The following PPP3CA variants were observed in gnomAD, a reference collection of about 807,000 sequenced individuals.
The protein encoded by PPP3CA is protein phosphatase 3 catalytic subunit alpha.
A neutral mutation model predicts 66.5 loss-of-function variants in PPP3CA; 14 were observed. The observed-to-expected ratio is 0.21, with a 90% CI of 0.14 to 0.33. The LOEUF is 0.33. PPP3CA is among the 10% of genes least tolerant of loss of function. The pLI, the probability that PPP3CA is intolerant of heterozygous loss-of-function variation, is 1.00. For missense variants in PPP3CA, 317 were observed against 639.5 expected (o/e 0.50, Z 5.44); for synonymous variants, 232 against 226.2 (o/e 1.03, Z -0.23).
At chr4:101,297,559 G>C (rs1396931383) in intron 1 of PPP3CA, among the ~76,000 whole-genome samples, 1 of 152,122 alleles carries the variant, frequency 6.6e-6, no homozygotes, top group Non-Finnish European at 1.5e-5. Context: ...TTGTACCTGC[G>C]ATGTCAGGAA....
chr4:101,192,623 T>C (rs950844635), intron 2 of PPP3CA, among the ~76,000 whole-genome samples: 5 of 152,182 alleles, frequency 3.3e-5, no homozygotes, highest in Non-Finnish European at 7.4e-5. Flanking sequence ...CATGTGCTGT[T>C]ATCTCTGCTC....
At chr4:101,269,736 G>A (rs1168078516) in intron 1 of PPP3CA, among the ~76,000 whole-genome samples, 3 of 152,060 alleles carry the variant, frequency 2.0e-5, no homozygotes, top group African/African-American at 7.2e-5. Flanking sequence ...AAAGTATACT[G>A]CTGGCATAAT....
At chr4:101,088,678 G>A (rs1578434779) in intron 6 of PPP3CA, among the ~76,000 whole-genome samples, 1 of 151,018 alleles carries the variant, frequency 6.6e-6, no homozygotes, top group South Asian at 2.1e-4. Flanking sequence ...AACTGAATGA[G>A]TGAAAAAATT....
At chr4:101,176,411 G>C (rs988088902) in intron 2 of PPP3CA, among the ~76,000 whole-genome samples, 1 of 152,126 alleles carries the variant, frequency 6.6e-6, no homozygotes, top group African/African-American at 2.4e-5. Context: ...AACAAAGAAG[G>C]GTCGGGGGAC....
rs1207298741 is a variant in PPP3CA at position 101,024,688 on chromosome 4, A to G, written c.*1177T>C. The G allele has an allele frequency of 6.5e-6, 1 of 152,678 alleles. No individual in the cohort carries two copies. Among genetic ancestry groups the G allele is most frequent in the Non-Finnish European group, 1.5e-5 (1 of 68,040 alleles). 9.5% of individuals were successfully genotyped at this position (152,678 alleles called of 1,614,324 possible). A position where few individuals can be genotyped will look rare whatever the true frequency, so the allele number is the denominator to read the frequency against. Reference sequence around the variant, plus strand: ...AACTACAAACTTATTATAATTTCACAAGGTTTGCTAAACATGCTAACCATC... The same window carrying G: ...AACTACAAACTTATTATAATTTCACGAGGTTTGCTAAACATGCTAACCATC... On this transcript the variant is annotated 3_prime_UTR_variant, in exon 14 of 14. Transcript: ENST00000394854.
chr4:101,087,129 C>T (rs1308043146), intron 6 of PPP3CA, among the ~76,000 whole-genome samples: 1 of 152,174 alleles, frequency 6.6e-6, no homozygotes, highest in Non-Finnish European at 1.5e-5. Flanking sequence ...GTACTTAGCC[C>T]AGGAGTGTCC....
At chr4:101,188,635 A>C (rs765774776) in intron 2 of PPP3CA, among the ~76,000 whole-genome samples, 3 of 152,146 alleles carry the variant, frequency 2.0e-5, no homozygotes, top group Admixed American at 6.6e-5. Flanking sequence ...TTTAGGGTTT[A>C]ATATGAGGAA....
intron 1 of PPP3CA, among the ~76,000 whole-genome samples, chr4:101,220,520 TA>T (rs1007156119): frequency 1.3e-5 from 2 of 151,750 alleles, no homozygotes; most frequent in African/African-American, 4.8e-5. Flanking sequence ...TGGATTTTAA[TA>T]AAAAGATCTA....
At chr4:101,124,980 T>C (rs533253696) in intron 2 of PPP3CA, among the ~76,000 whole-genome samples, 25 of 152,318 alleles carry the variant, frequency 1.6e-4, no homozygotes, top group African/African-American at 6.0e-4. Context: ...ATGTAAAATA[T>C]TCTTTTCACT....
At chr4:101,085,444 T>G (rs1257745976) in intron 6 of PPP3CA, among the ~76,000 whole-genome samples, 1 of 152,102 alleles carries the variant, frequency 6.6e-6, no homozygotes, top group Non-Finnish European at 1.5e-5. Flanking sequence ...GCTAAGTTTT[T>G]CCCCATGAAA....
At chr4:101,339,715 A>AT (rs1729748123) in intron 1 of PPP3CA, among the ~76,000 whole-genome samples, 1 of 152,230 alleles carries the variant, frequency 6.6e-6, no homozygotes, top group Non-Finnish European at 1.5e-5. Context: ...TATTCAGTGC[A>AT]TTTAATAAGC....
chr4:101,230,500 CAG>C (rs962260980), intron 1 of PPP3CA, among the ~76,000 whole-genome samples: 2 of 151,460 alleles, frequency 1.3e-5, no homozygotes, highest in Admixed American at 6.6e-5. Context: ...GCCTGGGTGA[CAG>C]AGAGAGAGAC....
intron 1 of PPP3CA, among the ~76,000 whole-genome samples, chr4:101,277,374 C>T (rs577853734): frequency 6.1e-4 from 93 of 152,188 alleles, no homozygotes; most frequent in Admixed American, 1.3e-3. Context: ...CGGGTTTTTG[C>T]GTGGACCTAC....
intron 1 of PPP3CA, among the ~76,000 whole-genome samples, chr4:101,334,941 A>G (rs1729577272): frequency 6.6e-6 from 1 of 152,226 alleles, no homozygotes; most frequent in Non-Finnish European, 1.5e-5. Context: ...CACTGTGATT[A>G]AAGACTTATC....
chr4:101,263,738 T>A (rs944979939), intron 1 of PPP3CA, among the ~76,000 whole-genome samples: 3 of 152,096 alleles, frequency 2.0e-5, no homozygotes, highest in African/African-American at 7.2e-5. Context: ...TTGATTAAAT[T>A]GTCAGTTCTT....
chr4:101,029,156 G>T lies in PPP3CA; in HGVS notation c.1369+10C>A. On this transcript the variant is annotated intron_variant, in intron 13 of 13. Coordinates refer to ENST00000394854, the MANE Select transcript of PPP3CA (RefSeq NM_000944.5). ...TGCAGGTACAACAGAAAGGGGACTG[G>T]CCAATTTACCTTCATCAGCCTCAAT... 6.3e-7 allele frequency: 1 copy of T among 1,598,750 alleles called. No homozygotes were observed.
intron 2 of PPP3CA, among the ~76,000 whole-genome samples, chr4:101,127,069 C>A (rs1722267536): frequency 6.6e-6 from 1 of 152,136 alleles, no homozygotes; most frequent in African/African-American, 2.4e-5. Flanking sequence ...GGACAGAAAT[C>A]TTGTTTTCCC....
chr4:101,030,761 A>C (rs2110204041), intron 12 of PPP3CA, among the ~76,000 whole-genome samples: 1 of 152,254 alleles, frequency 6.6e-6, no homozygotes, highest in African/African-American at 2.4e-5. Context: ...AAATGTTCTA[A>C]AGCGAATGTT....
Position 101,195,999 on chromosome 4 carries a change from C to A in PPP3CA, c.176G>T (p.Ser59Ile). 1 of 1,614,106 alleles carries A rather than the reference C, an allele frequency of 6.2e-7. No homozygotes were observed. Among genetic ancestry groups the A allele is most frequent in the Non-Finnish European group, 8.5e-7 (1 of 1,179,974 alleles). Residue 59 changes from serine to isoleucine, a missense_variant, in exon 2 of 14, where the codon AGT becomes ATT. Physicochemically the swap from Ser to Ile is moderately radical, Grantham distance 142. Transcript: ENST00000394854. Reference protein sequence around the residue: ...HLMKEGRLEESVALRIITEGA... With the variant: ...HLMKEGRLEEIVALRIITEGA... ...CTCTGTTATTATTCTCAATGCAACACTCTCTTCCAGCCTTCCCTCCTTCAT... is the reference window on the plus strand; with the variant it reads ...CTCTGTTATTATTCTCAATGCAACAATCTCTTCCAGCCTTCCCTCCTTCAT...
Sources: gnomAD v4.1 joint callset for allele counts (sites outside exome capture counted in the v4.1 genomes callset) on GRCh38, gnomAD v4.1.1 for gene constraint, MANE v1.5 for transcripts, NCBI Gene and HGNC (gene_info 2026-07-23, HGNC 2026-07-21) for gene names.